Variants in LURAP1L observed in about 807,000 individuals in gnomAD.
LURAP1L encodes the protein leucine rich adaptor protein 1-like.
In LURAP1L, 12 loss-of-function variants were observed where a neutral mutation model predicts 13.8. The ratio of observed to expected loss-of-function variants is 0.87; its 90% CI spans 0.56 to 1.41. The LOEUF (loss-of-function observed/expected upper bound fraction) is 1.41, where lower values mean the gene tolerates loss of function less well. LURAP1L is among the 40% of genes most tolerant of loss of function. LURAP1L has a pLI of 0.00. For synonymous variants in LURAP1L, 139 were observed against 119.2 expected, an observed-to-expected ratio of 1.17 and a Z score of -1.08; for missense variants, 375 against 292.9, an observed-to-expected ratio of 1.28 and a Z score of -2.04.
rs529869731 is a variant in LURAP1L, at chr9:12,813,507, C to T, written c.313-7879C>T. Among the ~76,000 whole-genome samples the T allele has an allele frequency of 2.6e-5, 4 of 152,156 alleles. No homozygotes were observed. The South Asian group carries it at 8.3e-4, about 32-fold the overall frequency. On this transcript the variant is annotated intron_variant, in intron 1 of 1. Coordinates refer to ENST00000319264, the MANE Select transcript of LURAP1L (RefSeq NM_203403.2). ...AATTGGCCATGTAGGAGTATTTATGCTACAGAAATTTAAAAACACTATAAA... is the reference window on the plus strand; with the variant it reads ...AATTGGCCATGTAGGAGTATTTATGTTACAGAAATTTAAAAACACTATAAA...
chr9:12,806,938 G>A (rs1360906277), intron 1 of LURAP1L, among the ~76,000 whole-genome samples: 1 of 130,130 alleles, frequency 7.7e-6, no homozygotes, highest in Non-Finnish European at 1.5e-5. Flanking sequence ...CTACTCTTCT[G>A]AACAACTAAA....
intron 1 of LURAP1L, among the ~76,000 whole-genome samples, chr9:12,804,049 G>A (rs1488603516): frequency 6.6e-6 from 1 of 152,084 alleles, no homozygotes; most frequent in African/African-American, 2.4e-5. Flanking sequence ...AAAAGACAAA[G>A]TTTATTTAAT....
At chr9:12,821,350 A>ATGGCTGGAATATCTTTCTTCTCTCTTT in intron 1 of LURAP1L, 36 bp from the exon 2 acceptor site, 1 of 1,585,222 alleles carries the variant, frequency 6.3e-7, no homozygotes, top group Non-Finnish European at 8.6e-7. Flanking sequence ...AGAGTGTAAA[A>ATGGCTGGAATATCTTTCTTCTCTCTTT]TGGCTGGAAT....
At chr9:12,790,321 T>C (rs1346068782) in intron 1 of LURAP1L, among the ~76,000 whole-genome samples, 1 of 152,188 alleles carries the variant, frequency 6.6e-6, no homozygotes, top group Non-Finnish European at 1.5e-5. Flanking sequence ...TCAATGCTTA[T>C]ATGTCCTTAA....
At chr9:12,819,744 G>C (rs981982449) in intron 1 of LURAP1L, among the ~76,000 whole-genome samples, 1 of 152,140 alleles carries the variant, frequency 6.6e-6, no homozygotes, top group Non-Finnish European at 1.5e-5. Context: ...CACGAGGTCA[G>C]GAGTTCAAGA....
At chr9:12,799,069 A>C (rs983450350) in intron 1 of LURAP1L, among the ~76,000 whole-genome samples, 3 of 152,188 alleles carry the variant, frequency 2.0e-5, no homozygotes, top group African/African-American at 7.2e-5. Context: ...ACCAGACCAT[A>C]ATAAAAATAT....
At chr9:12,811,910 G>A (rs1047617297) in intron 1 of LURAP1L, among the ~76,000 whole-genome samples, 2 of 152,122 alleles carry the variant, frequency 1.3e-5, no homozygotes, top group African/African-American at 2.4e-5. Context: ...CTCAAGGCTC[G>A]ATCCAGGGAG....
chr9:12,814,976 G>A (rs1819784422), intron 1 of LURAP1L, among the ~76,000 whole-genome samples: 1 of 152,118 alleles, frequency 6.6e-6, no homozygotes, highest in African/African-American at 2.4e-5. Context: ...AAGCTTTGGT[G>A]GAAGGAACAG....
intron 1 of LURAP1L, among the ~76,000 whole-genome samples, chr9:12,778,291 G>A (rs1454815952): frequency 4.6e-5 from 7 of 152,158 alleles, no homozygotes; most frequent in South Asian, 2.1e-4. Flanking sequence ...GGCTTGTCCC[G>A]CTCTCTGTGG....
At chr9:12,783,694 A>T (rs1263636631) in intron 1 of LURAP1L, among the ~76,000 whole-genome samples, 1 of 151,834 alleles carries the variant, frequency 6.6e-6, no homozygotes, top group Non-Finnish European at 1.5e-5. Flanking sequence ...CTTGATTTTG[A>T]TATCAGGGTA....
intron 1 of LURAP1L, among the ~76,000 whole-genome samples, chr9:12,776,471 G>A (rs955274077): frequency 2.0e-5 from 3 of 152,026 alleles, no homozygotes. Flanking sequence ...CTGGTTTGCC[G>A]GGAGGTGGCG....
intron 1 of LURAP1L, 47 bp downstream of exon 1, chr9:12,776,074 A>G (rs778941900): frequency 6.4e-7 from 1 of 1,566,242 alleles, no homozygotes; most frequent in South Asian, 1.1e-5. Context: ...GGGCTGGGCC[A>G]AAAGATGGGG....
Position 12,775,875 on chromosome 9 carries a change from G to GGCGGCGGCA in LURAP1L, c.165_166insGGCAGCGGC (p.Gly55_Cys56insGlySerGly), listed in dbSNP as rs1437763191. The GGCGGCGGCA allele has an allele frequency of 1.3e-6, 2 of 1,577,684 alleles. No individual in the cohort carries two copies. Among genetic ancestry groups the GGCGGCGGCA allele is most frequent in the Non-Finnish European group, 1.7e-6 (2 of 1,161,988 alleles). On this transcript the variant is annotated inframe_insertion, in exon 1 of 2. Transcript: ENST00000319264. ...GAGCGGTGGTGGTGGCGGCGGCGGC[G>GGCGGCGGCA]GCGGCTGCAGTAGCAGCAGCAGCTA...
intron 1 of LURAP1L, among the ~76,000 whole-genome samples, chr9:12,782,052 G>A (rs1340222937): frequency 6.6e-6 from 1 of 152,140 alleles, no homozygotes; most frequent in Non-Finnish European, 1.5e-5. Flanking sequence ...TCATTTGGAT[G>A]TCTTTTGAGA....
intron 1 of LURAP1L, among the ~76,000 whole-genome samples, chr9:12,807,091 T>TC: frequency 1.0e-5 from 1 of 99,282 alleles, no homozygotes; most frequent in African/African-American, 4.7e-5. Context: ...CTGTCTCTAC[T>TC]AAAATATATA....
At chr9:12,808,119 TA>T (rs1242080495) in intron 1 of LURAP1L, among the ~76,000 whole-genome samples, 2 of 151,952 alleles carry the variant, frequency 1.3e-5, no homozygotes, top group Non-Finnish European at 2.9e-5. Flanking sequence ...CAATAAATAA[TA>T]AGAAAAATTT....
chr9:12,807,621 T>A (rs1391402283), intron 1 of LURAP1L, among the ~76,000 whole-genome samples: 1 of 152,218 alleles, frequency 6.6e-6, no homozygotes, highest in Non-Finnish European at 1.5e-5. Flanking sequence ...TGTTTGTTTA[T>A]CCACTTTGAC....
At chr9:12,794,816 T>A (rs751396319) in intron 1 of LURAP1L, among the ~76,000 whole-genome samples, 9 of 151,754 alleles carry the variant, frequency 5.9e-5, no homozygotes, top group Non-Finnish European at 1.0e-4. Context: ...GTGAGAGGCA[T>A]CAAGTGACTA....
intron 1 of LURAP1L, among the ~76,000 whole-genome samples, chr9:12,802,569 T>G (rs753715897): frequency 1.4e-4 from 22 of 152,140 alleles, no homozygotes; most frequent in Non-Finnish European, 2.2e-4. Flanking sequence ...TGTGCAGCCT[T>G]CGGAACCATG....
Sources: allele counts gnomAD v4.1 joint callset (sites outside exome capture counted in the v4.1 genomes callset), GRCh38; gene constraint gnomAD v4.1.1; transcripts MANE v1.5; gene names NCBI Gene and HGNC (gene_info 2026-07-23, HGNC 2026-07-21).